PPP2R2B: variants seen among roughly 807,000 people sequenced by gnomAD.
PPP2R2B encodes protein phosphatase 2 regulatory subunit Bbeta, also known as serine/threonine-protein phosphatase 2A 55 kDa regulatory subunit B beta isoform.
Under a neutral mutation model 46.0 loss-of-function variants are expected in PPP2R2B, and 5 were observed. The ratio of observed to expected loss-of-function variants is 0.11; its 90% CI spans 0.06 to 0.23. The LOEUF is 0.23. PPP2R2B is among the 10% of genes least tolerant of loss of function. The pLI, the probability that PPP2R2B is intolerant of heterozygous loss-of-function variation, is 1.00. For synonymous variants in PPP2R2B, 215 were observed against 206.7 expected, an observed-to-expected ratio of 1.04 and a Z score of -0.34; for missense variants, 367 against 575.0, an observed-to-expected ratio of 0.64 and a Z score of 3.70.
At chr5:146,846,677 C>CA (rs11315873) in intron 2 of PPP2R2B, among the ~76,000 whole-genome samples, 101 of 145,768 alleles carry the variant, frequency 6.9e-4, no homozygotes, top group African/African-American at 1.2e-3. Context: ...GACTCTGTCT[C>CA]AAAAAAAAAA....
At chr5:147,025,614 G>A (rs1002877002) in intron 1 of PPP2R2B, among the ~76,000 whole-genome samples, 6 of 152,012 alleles carry the variant, frequency 3.9e-5, no homozygotes, top group Admixed American at 2.0e-4. Flanking sequence ...AAAAGATACC[G>A]TGAAGAGAAT....
At chr5:146,650,455 T>C in intron 6 of PPP2R2B, 92 bp downstream of exon 6, 1 of 1,210,974 alleles carries the variant, frequency 8.3e-7, no homozygotes, top group Non-Finnish European at 1.2e-6. Context: ...ATGCTAGGTG[T>C]TGCATTTCTA....
chr5:146,680,076 C>T (rs936092800), intron 5 of PPP2R2B, among the ~76,000 whole-genome samples: 10 of 151,138 alleles, frequency 6.6e-5, no homozygotes, highest in Non-Finnish European at 1.3e-4. Context: ...AATCATGCTG[C>T]TATAAAGACA....
chr5:146,831,435 T>C (rs1758925431), intron 2 of PPP2R2B, among the ~76,000 whole-genome samples: 1 of 139,592 alleles, frequency 7.2e-6, no homozygotes, highest in Non-Finnish European at 1.5e-5. Flanking sequence ...AGACTGAGGT[T>C]GCAGTGAGCC....
chr5:147,063,671 C>A (rs1443447761), intron 2 of PPP2R2B, among the ~76,000 whole-genome samples: 1 of 152,080 alleles, frequency 6.6e-6, no homozygotes, highest in East Asian at 1.9e-4. Context: ...GAAGAGGAAC[C>A]AATATTCTGA....
intron 1 of PPP2R2B, among the ~76,000 whole-genome samples, chr5:146,962,457 G>A (rs754384931): frequency 3.3e-5 from 5 of 151,736 alleles, no homozygotes; most frequent in South Asian, 2.1e-4. Context: ...AGGAGTTCGA[G>A]ACTAGCCTGA....
chr5:146,803,193 T>C (rs1351767644), intron 2 of PPP2R2B, among the ~76,000 whole-genome samples: 7 of 152,148 alleles, frequency 4.6e-5, no homozygotes, highest in Admixed American at 4.6e-4. Flanking sequence ...AGAACACTTT[T>C]TAAGTATTAG....
At chr5:146,614,974 C>A (rs1772986175) in intron 7 of PPP2R2B, among the ~76,000 whole-genome samples, 1 of 125,068 alleles carries the variant, frequency 8.0e-6, no homozygotes, top group Non-Finnish European at 1.6e-5. Context: ...ACTAGAAATC[C>A]CATTTGACCC....
intron 1 of PPP2R2B, among the ~76,000 whole-genome samples, chr5:146,972,571 G>T (rs1483765943): frequency 1.3e-5 from 2 of 152,066 alleles, no homozygotes; most frequent in African/African-American, 4.8e-5. Context: ...AATTAGCTGG[G>T]CATGGTGGTG....
intron 1 of PPP2R2B, among the ~76,000 whole-genome samples, chr5:146,885,701 C>CA (rs1762298125): frequency 6.6e-6 from 1 of 152,004 alleles, no homozygotes; most frequent in Non-Finnish European, 1.5e-5. Context: ...TTATAATAGC[C>CA]AAAAAGTGGA....
chr5:146,855,882 TC>T (rs1760629351), intron 2 of PPP2R2B, among the ~76,000 whole-genome samples: 1 of 152,178 alleles, frequency 6.6e-6, no homozygotes, highest in African/African-American at 2.4e-5. Flanking sequence ...TTCATCCAAA[TC>T]AAGTGTAACT....
At chr5:147,058,283 G>A (rs1205867843), upstream of PPP2R2B, among the ~76,000 whole-genome samples, 1 of 152,190 alleles carries the variant, frequency 6.6e-6, no homozygotes, top group African/African-American at 2.4e-5. Context: ...CTATCATAAA[G>A]CTGGAATATA....
intron 6 of PPP2R2B, among the ~76,000 whole-genome samples, chr5:146,645,447 G>C (rs930862236): frequency 2.0e-5 from 3 of 152,190 alleles, no homozygotes; most frequent in African/African-American, 7.2e-5. Flanking sequence ...GAGACACATG[G>C]TGTCATATTA....
chr5:146,631,132 G>A (rs966898992), intron 7 of PPP2R2B, among the ~76,000 whole-genome samples: 14 of 152,180 alleles, frequency 9.2e-5, no homozygotes, highest in African/African-American at 2.7e-4. Context: ...GCTCCTCACC[G>A]CCTTGCCTCA....
chr5:146,935,586 T>G (rs1764112340), intron 1 of PPP2R2B, among the ~76,000 whole-genome samples: 1 of 151,980 alleles, frequency 6.6e-6, no homozygotes, highest in South Asian at 2.1e-4. Flanking sequence ...GTGGGGATGG[T>G]GGTAGGCTGT....
intron 2 of PPP2R2B, among the ~76,000 whole-genome samples, chr5:146,865,080 T>C (rs1761230066): frequency 2.0e-5 from 3 of 152,156 alleles, no homozygotes; most frequent in Non-Finnish European, 4.4e-5. Context: ...ACCAAATACA[T>C]TATTTATATA....
chr5:147,010,899 C>A (rs955152038), intron 1 of PPP2R2B, among the ~76,000 whole-genome samples: 3 of 152,152 alleles, frequency 2.0e-5, no homozygotes, highest in Non-Finnish European at 4.4e-5. Flanking sequence ...AGACTCCCAC[C>A]ATTGCTCTCA....
intron 1 of PPP2R2B, among the ~76,000 whole-genome samples, chr5:146,982,787 C>T (rs1753234372): frequency 6.7e-6 from 1 of 150,032 alleles, no homozygotes; most frequent in East Asian, 2.0e-4. Context: ...TATATAATGT[C>T]CTTCTCTGTC....
intron 1 of PPP2R2B, among the ~76,000 whole-genome samples, chr5:146,969,597 G>T (rs1358625190): frequency 6.6e-6 from 1 of 152,232 alleles, no homozygotes; most frequent in Non-Finnish European, 1.5e-5. Flanking sequence ...AGCCATCCAG[G>T]AGCGAGATGC....
Sources: gnomAD v4.1 joint callset for allele counts (sites outside exome capture counted in the v4.1 genomes callset) on GRCh38, gnomAD v4.1.1 for gene constraint, MANE v1.5 for transcripts, NCBI Gene and HGNC (gene_info 2026-07-23, HGNC 2026-07-21) for gene names.